The following IQCH variants were observed in gnomAD, a reference collection of about 807,000 sequenced individuals.
The protein encoded by IQCH is IQ motif containing H, also known as IQ domain-containing protein H.
IQCH carries 98 observed loss-of-function variants against 117.0 expected under a neutral mutation model. The observed-to-expected ratio is 0.84, with a 90% confidence interval of 0.71 to 0.99. The LOEUF (loss-of-function observed/expected upper bound fraction) is 0.99, where lower values mean the gene tolerates loss of function less well. Among genes scored for constraint, IQCH ranks in the 50% least tolerant of loss-of-function variants. The pLI is 0.00. For synonymous variants in IQCH, 412 were observed against 448.2 expected, an observed-to-expected ratio of 0.92 and a Z score of 1.02; for missense variants, 1,102 against 1,243.8, an observed-to-expected ratio of 0.89 and a Z score of 1.72.
At chr15:67,331,337 A>G (rs1968657032) in intron 4 of IQCH, among the ~76,000 whole-genome samples, 1 of 152,170 alleles carries the variant, frequency 6.6e-6, no homozygotes, top group Non-Finnish European at 1.5e-5. Context: ...TTTAAACTAG[A>G]GCTCAAACAT....
chr15:67,443,359 A>G lies in IQCH; in HGVS notation c.2506-21768A>G, dbSNP rs1361974831. ...CCGGACATCGTATGTTCTCACTGATATGTGGGAGCTAAGCTATGAGGATTC... is the reference window on the plus strand; with the variant it reads ...CCGGACATCGTATGTTCTCACTGATGTGTGGGAGCTAAGCTATGAGGATTC... On this transcript the variant is annotated intron_variant, in intron 16 of 20. Transcript: ENST00000335894. This position sits in a 1 kb window ranked among gnomAD's most constrained non-coding sequence, Gnocchi z 5.0. Among the ~76,000 whole-genome samples, 1 of 152,100 alleles carries G rather than the reference A, an allele frequency of 6.6e-6. No homozygotes were observed. Among genetic ancestry groups the G allele is most frequent in the Non-Finnish European group, 1.5e-5 (1 of 68,004 alleles).
In IQCH at chr15:67,475,733, A is replaced by G; in HGVS notation, c.2714A>G (p.Gln905Arg). The change falls in exon 18 of 21, where the codon CAG becomes CGG. Residue 905 changes from glutamine (Q) to arginine (R), a missense_variant. Physicochemically the swap from Gln to Arg is conservative, Grantham distance 43 (BLOSUM62 1). Around this residue, in one of 2 missense-constraint regions of IQCH, gnomAD observed 650 missense variants for 794.3 expected, o/e 0.82. Transcript: ENST00000335894. The surrounding 1 kb of genome is among the most constrained non-coding windows in gnomAD (Gnocchi z 5.7). ...ATSRYAVMTT[Q>R]LRHSNLSLVF... ...AGTCGCTATGCAGTGATGACCACCC[A>G]GCTAAGACACAGCAATCTCTCACTG... The G allele has an allele frequency of 6.2e-7, 1 of 1,614,044 alleles. No homozygotes were observed. Among genetic ancestry groups the G allele is most frequent in the Non-Finnish European group, 8.5e-7 (1 of 1,179,906 alleles).
At chr15:67,345,166 T>C (rs974165189) in intron 6 of IQCH, among the ~76,000 whole-genome samples, 3 of 152,164 alleles carry the variant, frequency 2.0e-5, no homozygotes, top group Non-Finnish European at 4.4e-5. Context: ...ATTTTTTGTA[T>C]TTTTAGTAGA....
chr15:67,381,397 A>G lies in IQCH; in HGVS notation c.1373-3539A>G, dbSNP rs1970924856. Among the ~76,000 whole-genome samples the G allele has an allele frequency of 6.6e-6, 1 of 152,208 alleles. No individual in the cohort carries two copies. Among genetic ancestry groups the G allele is most frequent in the Non-Finnish European group, 1.5e-5 (1 of 68,040 alleles). ...TGATGTAGAGACAATAATATTTCAC[A>G]ACTGCTTATTTGAGAAAAGACGGAA... On this transcript the variant is annotated intron_variant, in intron 10 of 20. Transcript: ENST00000335894. The surrounding 1 kb of genome is among the most constrained non-coding windows in gnomAD (Gnocchi z 5.1).
Position 67,385,459 on chromosome 15 carries a change from T to C in IQCH, c.1456+440T>C, listed in dbSNP as rs1971078754. Among the ~76,000 whole-genome samples, 1 of 152,178 alleles carries C rather than the reference T, an allele frequency of 6.6e-6. No homozygotes were observed. Among genetic ancestry groups the C allele is most frequent in the Non-Finnish European group, 1.5e-5 (1 of 68,040 alleles). ...AGAAAAAGGGGAAAATTAAGATAGA[T>C]TTTTAAAAGAAGCTTTTATTTAAAT... On this transcript the variant is annotated intron_variant, in intron 11 of 20. Coordinates refer to ENST00000335894, the MANE Select transcript of IQCH (RefSeq NM_001031715.3). The surrounding 1 kb of genome is among the most constrained non-coding windows in gnomAD (Gnocchi z 4.6).
At chr15:67,289,951 T>C (rs970094340) in intron 4 of IQCH, among the ~76,000 whole-genome samples, 15 of 152,140 alleles carry the variant, frequency 9.9e-5, no homozygotes, top group Admixed American at 5.3e-4. Context: ...TCTAGATTCT[T>C]CCAAATCACT....
At chr15:67,325,731 A>G (rs4776921) in intron 4 of IQCH, among the ~76,000 whole-genome samples, 45,297 of 151,874 alleles carry the variant, frequency 0.3, 6,960 homozygotes, top group African/African-American at 0.38. Context: ...AATATAATCA[A>G]ATAGCAACTT....
chr15:67,282,373 G>A (rs1377588519), intron 4 of IQCH: 1 of 151,234 alleles, frequency 6.6e-6, no homozygotes, highest in African/African-American at 2.4e-5. Context: ...AAACAACTAT[G>A]GCCAGAAATT....
chr15:67,498,728 A>G (rs1266864526), intron 20 of IQCH, among the ~76,000 whole-genome samples: 1 of 152,242 alleles, frequency 6.6e-6, no homozygotes, highest in East Asian at 1.9e-4. Flanking sequence ...GGTTAGCAAT[A>G]GTTTCTTAGA....
intron 4 of IQCH, among the ~76,000 whole-genome samples, chr15:67,298,386 A>T (rs1402530439): frequency 6.6e-6 from 1 of 152,068 alleles, no homozygotes; most frequent in Non-Finnish European, 1.5e-5. Flanking sequence ...AACATCACTG[A>T]TCATCAGAGA....
rs1398369964 is a variant in IQCH at position 67,384,772 on chromosome 15, C to T, written c.1373-164C>T. On this transcript the variant is annotated intron_variant, in intron 10 of 20. Coordinates refer to ENST00000335894, the MANE Select transcript of IQCH (RefSeq NM_001031715.3). The surrounding 1 kb of genome is among the most constrained non-coding windows in gnomAD (Gnocchi z 4.3). ...CTTCCAGAATAATGTTTAATTCCCC[C>T]GAGAAACAAGCACCTCATTCTTCGG... Among the ~76,000 whole-genome samples, 4 of 151,878 alleles carry T rather than the reference C, an allele frequency of 2.6e-5. No individual in the cohort carries two copies. The highest frequency in any genetic ancestry group is 2.9e-5 in the Non-Finnish European group (2 of 67,952).
Position 67,363,968 on chromosome 15 carries a change from T to C in IQCH, c.753+4083T>C, listed in dbSNP as rs189653876. On this transcript the variant is annotated intron_variant, in intron 8 of 20. Transcript: ENST00000335894. ...ATCCAGTCTACTATTGATGGTAATT[T>C]AGGTTGATTCCATGTCTTTGCTATT... 8.9e-4 allele frequency among the ~76,000 whole-genome samples: 135 copies of C among 152,350 alleles called. 1 individual carries two copies. Among genetic ancestry groups the C allele is most frequent in the Admixed American group, 4.1e-3 (63 of 15,306 alleles).
At chr15:67,442,967 A>G (rs1048372896) in intron 16 of IQCH, among the ~76,000 whole-genome samples, 12 of 151,686 alleles carry the variant, frequency 7.9e-5, no homozygotes, top group African/African-American at 1.7e-4. Context: ...CAGCATTTGT[A>G]GTCACCTGGA....
chr15:67,276,507 G>T (rs948952794), intron 3 of IQCH, among the ~76,000 whole-genome samples: 2 of 152,002 alleles, frequency 1.3e-5, no homozygotes, highest in Non-Finnish European at 2.9e-5. Context: ...TCCTTTAATG[G>T]TTCTTGCAAG....
chr15:67,394,280 A>G (rs1971385124), intron 12 of IQCH, among the ~76,000 whole-genome samples: 1 of 152,208 alleles, frequency 6.6e-6, no homozygotes, highest in South Asian at 2.1e-4. Context: ...TCTTTATTGT[A>G]TCCAAGGCAC....
At chr15:67,290,995 A>C (rs1966731775) in intron 4 of IQCH, among the ~76,000 whole-genome samples, 1 of 152,162 alleles carries the variant, frequency 6.6e-6, no homozygotes, top group Non-Finnish European at 1.5e-5. Flanking sequence ...TTTTCTGCAC[A>C]AGAAGAGCTA....
intron 16 of IQCH, among the ~76,000 whole-genome samples, chr15:67,442,017 G>A (rs886707945): frequency 2.6e-5 from 4 of 152,120 alleles, no homozygotes; most frequent in East Asian, 3.9e-4. Flanking sequence ...AATCTACAAC[G>A]AACTCAAACA....
At chr15:67,262,901 G>A (rs189421698) in intron 2 of IQCH, among the ~76,000 whole-genome samples, 1 of 151,874 alleles carries the variant, frequency 6.6e-6, no homozygotes, top group African/African-American at 2.4e-5. Flanking sequence ...AAAAAAGAGT[G>A]TACCACAGGT....
chr15:67,500,672 A>G lies in IQCH; in HGVS notation c.3010A>G (p.Lys1004Glu), dbSNP rs2083955096. 1.2e-6 allele frequency: 2 copies of G among 1,604,086 alleles called. No homozygotes were observed. The highest frequency in any genetic ancestry group is 1.7e-5 in the Admixed American group (1 of 59,398). Residue 1004 changes from lysine (K) to glutamate (E), a missense_variant, in exon 21 of 21, where the codon AAG becomes GAG. Around this residue, in one of 2 missense-constraint regions of IQCH, gnomAD observed 650 missense variants for 794.3 expected, o/e 0.82. Transcript: ENST00000335894. The surrounding 1 kb of genome is among the most constrained non-coding windows in gnomAD (Gnocchi z 4.4). Reference sequence around the variant, plus strand: ...TATTGAAACTATTCTAAGAGTAACAAAGGAAAACAAAATGAGATTTGAAGA... The same window carrying G: ...TATTGAAACTATTCTAAGAGTAACAGAGGAAAACAAAATGAGATTTGAAGA... ...ADIETILRVTKENKMRFEEEQ... is the reference protein window; with the variant it reads ...ADIETILRVTEENKMRFEEEQ...
Sources: allele counts gnomAD v4.1 joint callset (sites outside exome capture counted in the v4.1 genomes callset), GRCh38; gene constraint gnomAD v4.1.1; regional missense constraint gnomAD v4.1.1; non-coding constraint Gnocchi (gnomAD v3.1); transcripts MANE v1.5; gene names NCBI Gene and HGNC (gene_info 2026-07-23, HGNC 2026-07-21).